Variants in HECW1 observed in about 807,000 individuals in gnomAD.
HECW1 encodes the protein HECT, C2 and WW domain containing E3 ubiquitin protein ligase 1, also known as E3 ubiquitin-protein ligase HECW1.
A neutral mutation model predicts 182.3 loss-of-function variants in HECW1; 61 were observed. That is an observed-to-expected ratio of 0.33 (90% CI 0.27 to 0.41). The LOEUF is 0.41. HECW1 is among the 10% of genes least tolerant of loss of function. HECW1 has a pLI of 1.00. For missense variants in HECW1, 1,739 were observed against 2,108.9 expected (o/e 0.82, Z 3.44); for synonymous variants, 859 against 832.6 (o/e 1.03, Z -0.55).
chr7:43,376,960 A>AC (rs1266843770), intron 6 of HECW1, among the ~76,000 whole-genome samples: 4 of 151,888 alleles, frequency 2.6e-5, no homozygotes, highest in African/African-American at 9.7e-5. Context: ...TTTAGTGAAA[A>AC]AAAAAGACTT....
At position 43,116,673 on chromosome 7, in the gene HECW1, A is replaced by C. The variant is rs138442355; in HGVS notation, c.-32+2282A>C. 1.5e-4 allele frequency among the ~76,000 whole-genome samples: 23 copies of C among 152,314 alleles called. No homozygotes were observed. The East Asian group carries it at 3.9e-3, about 26-fold the overall frequency. On this transcript the variant is annotated intron_variant, in intron 2 of 29. Transcript: ENST00000395891. ...CATCCTAAAAAACAGGACAAGCTAC[A>C]TTAGGAAACCAGGAAGTTGCAATAC...
At chr7:43,487,989 AAAAG>A (rs771105945) in intron 17 of HECW1, among the ~76,000 whole-genome samples, 13 of 150,860 alleles carry the variant, frequency 8.6e-5, no homozygotes, top group South Asian at 2.1e-4. Context: ...AGAGAAAGAA[AAAAG>A]AAAGAAAGAA....
intron 24 of HECW1, among the ~76,000 whole-genome samples, chr7:43,538,425 A>C (rs887020988): frequency 2.2e-4 from 33 of 152,210 alleles, no homozygotes; most frequent in African/African-American, 7.7e-4. Flanking sequence ...TTGGTAGCTA[A>C]CATAAAAAAC....
chr7:43,470,756 T>C (rs35812491), intron 16 of HECW1, among the ~76,000 whole-genome samples: 90,903 of 151,818 alleles, frequency 0.6, 27,475 homozygotes, highest in Middle Eastern at 0.72. Flanking sequence ...CACACACACA[T>C]AAATGGTCTC....
intron 24 of HECW1, among the ~76,000 whole-genome samples, chr7:43,536,306 CAG>C (rs1189062542): frequency 1.3e-5 from 2 of 152,182 alleles, no homozygotes; most frequent in Non-Finnish European, 2.9e-5. Context: ...GATGGCATGT[CAG>C]AATCTCCTGG....
At chr7:43,127,437 C>T (rs1448284028) in intron 2 of HECW1, among the ~76,000 whole-genome samples, 4 of 143,658 alleles carry the variant, frequency 2.8e-5, no homozygotes, top group Admixed American at 1.5e-4. Flanking sequence ...ACAGGAGAAT[C>T]GCTTGAACCT....
At chr7:43,287,932 C>T (rs979014723) in intron 3 of HECW1, among the ~76,000 whole-genome samples, 7 of 152,152 alleles carry the variant, frequency 4.6e-5, no homozygotes, top group Admixed American at 1.3e-4. Context: ...TTACCATCTA[C>T]GGAGATGGGG....
intron 6 of HECW1, among the ~76,000 whole-genome samples, chr7:43,383,479 C>T (rs1203968698): frequency 2.0e-5 from 3 of 152,226 alleles, no homozygotes; most frequent in Non-Finnish European, 4.4e-5. Context: ...GCCATTCTAA[C>T]TGGCGTGAAA....
chr7:43,490,430 T>A (rs2078885236), intron 17 of HECW1, among the ~76,000 whole-genome samples: 1 of 152,202 alleles, frequency 6.6e-6, no homozygotes. Flanking sequence ...TCTAAAGTCT[T>A]TAACACTTCA....
At chr7:43,156,911 C>T (rs781708138) in intron 2 of HECW1, among the ~76,000 whole-genome samples, 1 of 152,132 alleles carries the variant, frequency 6.6e-6, no homozygotes, top group Non-Finnish European at 1.5e-5. Flanking sequence ...GCAGGCCTTC[C>T]CTACCCACCC....
At chr7:43,382,243 G>T (rs921180747) in intron 6 of HECW1, among the ~76,000 whole-genome samples, 2 of 151,426 alleles carry the variant, frequency 1.3e-5, no homozygotes, top group Non-Finnish European at 2.9e-5. Flanking sequence ...CCGAGATCGC[G>T]CCACTGCACT....
intron 2 of HECW1, among the ~76,000 whole-genome samples, chr7:43,120,934 G>A (rs1321616825): frequency 6.6e-6 from 1 of 152,138 alleles, no homozygotes; most frequent in Non-Finnish European, 1.5e-5. Flanking sequence ...TTACAGGTGT[G>A]AGCCACCACG....
chr7:43,223,812 C>G (rs1033474931), intron 2 of HECW1, among the ~76,000 whole-genome samples: 1 of 152,220 alleles, frequency 6.6e-6, no homozygotes, highest in Non-Finnish European at 1.5e-5. Flanking sequence ...CCAGCCACTC[C>G]TGCCTCAGGG....
At chr7:43,363,838 C>G (rs373878889) in intron 6 of HECW1, among the ~76,000 whole-genome samples, 3 of 152,198 alleles carry the variant, frequency 2.0e-5, no homozygotes, top group African/African-American at 7.2e-5. Flanking sequence ...GTTAAGTGAT[C>G]ATTTGGCTAT....
At chr7:43,281,290 G>A (rs1803869592) in intron 3 of HECW1, among the ~76,000 whole-genome samples, 1 of 152,110 alleles carries the variant, frequency 6.6e-6, no homozygotes, top group Non-Finnish European at 1.5e-5. Flanking sequence ...CCTGTTTCCT[G>A]CAGACTGAGC....
chr7:43,246,626 G>A (rs769349215), intron 3 of HECW1, among the ~76,000 whole-genome samples: 2 of 152,208 alleles, frequency 1.3e-5, no homozygotes, highest in Non-Finnish European at 2.9e-5. Context: ...AAAGAAATCT[G>A]TGCTGAAGAT....
chr7:43,479,567 T>G, intron 16 of HECW1, 43 bp from the exon 17 acceptor site: 1 of 1,612,836 alleles, frequency 6.2e-7, no homozygotes, highest in Non-Finnish European at 8.5e-7. Context: ...TTTTGGCCTA[T>G]TCTCACACCA....
intron 2 of HECW1, among the ~76,000 whole-genome samples, chr7:43,233,218 A>C (rs572128892): frequency 6.6e-6 from 1 of 152,296 alleles, no homozygotes; most frequent in Non-Finnish European, 1.5e-5. Flanking sequence ...AAAAAATCAC[A>C]ATTTGGATAT....
rs537623283 is a variant in HECW1, at chr7:43,171,486, A to G, written c.-32+57095A>G. Among the ~76,000 whole-genome samples the G allele has an allele frequency of 3.9e-5, 6 of 152,254 alleles. No individual in the cohort carries two copies. In the South Asian group the frequency reaches 6.2e-4, roughly 16 times the overall value. ...GCCACTGCGTGCTGGCCAGGCTCCAAGGAAAGACGACCCTCAGGGGCTCCA... is the reference window on the plus strand; with the variant it reads ...GCCACTGCGTGCTGGCCAGGCTCCAGGGAAAGACGACCCTCAGGGGCTCCA... On this transcript the variant is annotated intron_variant, in intron 2 of 29. Coordinates refer to ENST00000395891, the MANE Select transcript of HECW1 (RefSeq NM_015052.5).
Sources: gnomAD v4.1 joint callset for allele counts (sites outside exome capture counted in the v4.1 genomes callset) on GRCh38, gnomAD v4.1.1 for gene constraint, MANE v1.5 for transcripts, NCBI Gene and HGNC (gene_info 2026-07-23, HGNC 2026-07-21) for gene names.